NOP53: variants seen among roughly 807,000 people sequenced by gnomAD.
NOP53 encodes the protein NOP53 ribosome biogenesis factor, also known as ribosome biogenesis protein NOP53.
Under a neutral mutation model 61.0 loss-of-function variants are expected in NOP53, and 40 were observed. The observed-to-expected ratio is 0.66, with a 90% confidence interval of 0.51 to 0.85. The LOEUF (loss-of-function observed/expected upper bound fraction) is 0.85, where lower values mean the gene tolerates loss of function less well. Among genes scored for constraint, NOP53 ranks in the 40% least tolerant of loss-of-function variants. The pLI is 0.00. For synonymous variants in NOP53, 308 were observed against 289.5 expected (o/e 1.06, Z -0.65); for missense variants, 689 against 652.9 (o/e 1.06, Z -0.60).
intron 5 of NOP53, 118 bp downstream of exon 5, chr19:47,751,708 CTG>C: frequency 2.5e-6 from 2 of 799,682 alleles, no homozygotes; most frequent in South Asian, 3.0e-5. Flanking sequence ...GCCGAGAACT[CTG>C]TGCTGGAGCC....
intron 8 of NOP53, 118 bp from the exon 9 acceptor site, chr19:47,755,230 G>GT (rs1967175574): frequency 1.5e-6 from 1 of 654,958 alleles, no homozygotes; most frequent in African/African-American, 1.9e-5. Flanking sequence ...ATGTGACGGG[G>GT]TTAGGAAGGG....
intron 3 of NOP53, 111 bp downstream of exon 3, chr19:47,750,397 C>A: frequency 1.4e-6 from 1 of 705,508 alleles, no homozygotes; most frequent in South Asian, 1.6e-5. Flanking sequence ...AGGGCAGGCT[C>A]AGGTTTGGGC....
intron 2 of NOP53, among the ~76,000 whole-genome samples, chr19:47,747,381 C>T (rs1967077457): frequency 6.6e-6 from 1 of 152,058 alleles, no homozygotes; most frequent in African/African-American, 2.4e-5. Context: ...GTGAGTCACG[C>T]CTGTATTCCC....
intron 8 of NOP53, among the ~76,000 whole-genome samples, 192 bp downstream of exon 8, chr19:47,755,083 T>G (rs928328289): frequency 6.6e-6 from 1 of 151,644 alleles, no homozygotes. Context: ...GGGCTCGGGC[T>G]GGGGTGGGAC....
chr19:47,752,906 G>GA, intron 6 of NOP53: 2 of 376,868 alleles, frequency 5.3e-6, no homozygotes, highest in Non-Finnish European at 9.9e-6. Context: ...GGGAGGAGGG[G>GA]AGTGGGTTTT....
intron 9 of NOP53, 80 bp downstream of exon 9, chr19:47,755,603 C>A: frequency 7.2e-7 from 1 of 1,390,390 alleles, no homozygotes; most frequent in Non-Finnish European, 9.7e-7. Context: ...TGCCTTTGTT[C>A]AGGAACTGCC....
intron 8 of NOP53, 132 bp from the exon 9 acceptor site, chr19:47,755,216 G>A (rs372970170): frequency 1.2e-5 from 7 of 597,796 alleles, no homozygotes; most frequent in Admixed American, 3.8e-5. Flanking sequence ...TGGAGGGGCC[G>A]CTGATGTGAC....
At chr19:47,755,950 G>GGGGCTGA (rs1297643816) in intron 10 of NOP53, 128 bp downstream of exon 10, 4 of 696,246 alleles carry the variant, frequency 5.7e-6, no homozygotes, top group Non-Finnish European at 1.0e-5. Context: ...CCAATGCCCA[G>GGGGCTGA]GGGCTGAGGG....
chr19:47,754,576 C>T lies in NOP53; in HGVS notation c.815C>T (p.Ala272Val), dbSNP rs764516263. ...HEVELQRQKE[A>V]EKLERQLALP... ...GTGGAGTTGCAGCGGCAGAAGGAGG[C>T]GGAGAAGCTGGAGCGGCAGCTGGCC... The change falls in exon 7 of 13, where the codon GCG (alanine) becomes GTG (valine). Residue 272 changes from alanine (A) to valine (V), a missense_variant. By Grantham distance (64) the Ala-to-Val change is moderately conservative (BLOSUM62 0). Coordinates refer to ENST00000246802, the MANE Select transcript of NOP53 (RefSeq NM_015710.5). This position sits in a 1 kb window ranked among gnomAD's most constrained non-coding sequence, Gnocchi z 4.2. 1.5e-5 allele frequency: 23 copies of T among 1,553,042 alleles called. No homozygotes were observed. The highest frequency in any genetic ancestry group is 9.7e-5 in the East Asian group (4 of 41,396).
intron 2 of NOP53, among the ~76,000 whole-genome samples, chr19:47,749,016 C>T (rs963256137): frequency 1.3e-5 from 2 of 151,882 alleles, no homozygotes; most frequent in Admixed American, 1.3e-4. Flanking sequence ...ACAAAATTAG[C>T]CGAGCGTGGT....
In NOP53 at chr19:47,745,559, G is replaced by C. The variant is rs201704848; in HGVS notation, c.-1G>C. Reference sequence around the variant, plus strand: ...AGTGGCTGAGTTCTTCCTTTGACAAGATGGCGGCAGGAGGCAGTGGCGTTG... The same window carrying C: ...AGTGGCTGAGTTCTTCCTTTGACAACATGGCGGCAGGAGGCAGTGGCGTTG... On this transcript the variant is annotated 5_prime_UTR_variant, in exon 1 of 13. Coordinates refer to ENST00000246802, the MANE Select transcript of NOP53 (RefSeq NM_015710.5). The C allele has an allele frequency of 1.2e-6, 2 of 1,613,450 alleles. No homozygotes were observed. Among genetic ancestry groups the C allele is most frequent in the East Asian group, 4.5e-5 (2 of 44,882 alleles).
At chr19:47,752,896 G>A (rs1335214912) in intron 6 of NOP53, 2 of 391,280 alleles carry the variant, frequency 5.1e-6, no homozygotes, top group East Asian at 8.7e-5. Flanking sequence ...GGTTTGCAGT[G>A]GGAGGAGGGG....
intron 1 of NOP53, chr19:47,746,074 A>G (rs1221855660): frequency 2.2e-6 from 1 of 451,114 alleles, no homozygotes; most frequent in Non-Finnish European, 3.9e-6. Flanking sequence ...CCATGCATCC[A>G]CCTTAGCTTG....
intron 2 of NOP53, among the ~76,000 whole-genome samples, chr19:47,747,916 G>A (rs964420793): frequency 1.3e-5 from 2 of 150,986 alleles, no homozygotes; most frequent in East Asian, 2.0e-4. Context: ...GAGTAGCTGG[G>A]GTTACAGGCA....
chr19:47,756,575 G>A lies in NOP53; in HGVS notation c.1344G>A (p.Arg448=), dbSNP rs760478632. The part of the protein sequence containing the change: ...LRDRFKSFQR[R]NMIEPRERAK... Reference sequence around the variant, plus strand: ...ACCGGTTCAAGAGCTTCCAGAGGAGGAATATGATCGAGCCTCGAGAGAGAG... The same window carrying A: ...ACCGGTTCAAGAGCTTCCAGAGGAGAAATATGATCGAGCCTCGAGAGAGAG... The change falls in exon 11 of 13, where the codon AGG becomes AGA. Residue 448 remains arginine, a synonymous_variant. Transcript: ENST00000246802. 1 of 1,614,114 alleles carries A rather than the reference G, an allele frequency of 6.2e-7. No individual in the cohort carries two copies. The highest frequency in any genetic ancestry group is 8.5e-7 in the Non-Finnish European group (1 of 1,180,022).
rs146538833 is a variant in NOP53, at chr19:47,748,344, G to A, written c.289+1313G>A. Reference sequence around the variant, plus strand: ...GGGATCTGCTGAAACAAGATGAGGCGTGAGGGAGGGATTGCTCTGGTGAGT... The same window carrying A: ...GGGATCTGCTGAAACAAGATGAGGCATGAGGGAGGGATTGCTCTGGTGAGT... On this transcript the variant is annotated intron_variant, in intron 2 of 12. Transcript: ENST00000246802. Among the ~76,000 whole-genome samples, 690 of 152,154 alleles carry A rather than the reference G, an allele frequency of 4.5e-3. 6 individuals carry two copies. The highest frequency in any genetic ancestry group is 0.019 in the South Asian group (92 of 4,816).
At position 47,750,300 on chromosome 19, in the gene NOP53, C is replaced by G; in HGVS notation, c.398+14C>G. On this transcript the variant is annotated intron_variant, in intron 3 of 12. Coordinates refer to ENST00000246802, the MANE Select transcript of NOP53 (RefSeq NM_015710.5). ...TGCCCCCAAAGAGTGAGTGTCCCAG[C>G]ATCCCTGGGCCCTTCTTTCCCACCA... 1.4e-6 allele frequency: 2 copies of G among 1,449,124 alleles called. No individual in the cohort carries two copies. The highest frequency in any genetic ancestry group is 1.9e-6 in the Non-Finnish European group (2 of 1,029,366). The allele number at this position is 1,449,124 out of a possible 1,614,324, so 89.8% of individuals were successfully genotyped here.
In NOP53 at chr19:47,754,425, G is replaced by T; in HGVS notation, c.766-102G>T. 1.1e-6 allele frequency: 1 copy of T among 901,032 alleles called. No individual in the cohort carries two copies. The allele number at this position is 901,032 out of a possible 1,614,324, so 55.8% of individuals were successfully genotyped here. A position where few individuals can be genotyped will look rare whatever the true frequency, so the allele number is the denominator to read the frequency against. On this transcript the variant is annotated intron_variant, in intron 6 of 12. Coordinates refer to ENST00000246802, the MANE Select transcript of NOP53 (RefSeq NM_015710.5). The surrounding 1 kb of genome is among the most constrained non-coding windows in gnomAD (Gnocchi z 4.2). ...TGGGGAGGAAAGCCTGGGCCGGGGC[G>T]GGATCCACGGGCACTGGATGAGGGA...
At position 47,757,056 on chromosome 19, in the gene NOP53, TG is replaced by T; in HGVS notation, c.*52del. 6 of 1,603,008 alleles carry T rather than the reference TG, an allele frequency of 3.7e-6. No individual in the cohort carries two copies. Among genetic ancestry groups the T allele is most frequent in the Non-Finnish European group, 5.1e-6 (6 of 1,169,874 alleles). Reference sequence around the variant, plus strand: ...CCTTCAATAAAAAATCTCTTCTAGCTGATCAGTGGGCTCCACGTGTGGCTTG... The same window carrying T: ...CCTTCAATAAAAAATCTCTTCTAGCTATCAGTGGGCTCCACGTGTGGCTTG... On this transcript the variant is annotated 3_prime_UTR_variant, in exon 13 of 13. Coordinates refer to ENST00000246802, the MANE Select transcript of NOP53 (RefSeq NM_015710.5).
Sources: allele counts gnomAD v4.1 joint callset (sites outside exome capture counted in the v4.1 genomes callset), GRCh38; gene constraint gnomAD v4.1.1; non-coding constraint Gnocchi (gnomAD v3.1); transcripts MANE v1.5; gene names NCBI Gene and HGNC (gene_info 2026-07-23, HGNC 2026-07-21).